ALKAL1: variants seen among roughly 807,000 people sequenced by gnomAD.
ALKAL1 encodes AUG-beta.
Under a neutral mutation model 13.5 loss-of-function variants are expected in ALKAL1, and 23 were observed. That is an observed-to-expected ratio of 1.70 (90% CI 1.23 to 2.41). The LOEUF is 2.41. Ranked by LOEUF, ALKAL1 falls within the 30% of genes most tolerant of loss-of-function variation. The pLI is 0.00. For synonymous variants in ALKAL1, 85 were observed against 77.7 expected, an observed-to-expected ratio of 1.09 and a Z score of -0.49; for missense variants, 181 against 178.4, an observed-to-expected ratio of 1.01 and a Z score of -0.08.
chr8:52,535,151 A>G (rs1847252963), intron 4 of ALKAL1, among the ~76,000 whole-genome samples: 1 of 150,774 alleles, frequency 6.6e-6, no homozygotes, highest in South Asian at 2.1e-4. Context: ...AAATTTACTC[A>G]TTTACATGGA....
intron 1 of ALKAL1, among the ~76,000 whole-genome samples, chr8:52,546,846 C>A (rs1449100260): frequency 2.6e-5 from 4 of 152,278 alleles, no homozygotes; most frequent in Non-Finnish European, 4.4e-5. Context: ...GTAAAGATTG[C>A]CTTGCTGAGA....
chr8:52,535,973 C>G (rs2150342969), intron 4 of ALKAL1, among the ~76,000 whole-genome samples: 1 of 152,106 alleles, frequency 6.6e-6, no homozygotes, highest in South Asian at 2.1e-4. Context: ...GAGTCTCGCT[C>G]TGTTGCCAAG....
intron 1 of ALKAL1, among the ~76,000 whole-genome samples, chr8:52,543,786 T>A (rs1170974250): frequency 6.6e-6 from 1 of 152,126 alleles, no homozygotes; most frequent in African/African-American, 2.4e-5. Flanking sequence ...ACTGGTGCTT[T>A]CTGAAAAATG....
intron 1 of ALKAL1, among the ~76,000 whole-genome samples, chr8:52,557,956 G>A (rs1847501749): frequency 1.5e-5 from 2 of 135,128 alleles, no homozygotes; most frequent in African/African-American, 5.6e-5. Context: ...ACCAGAGTGA[G>A]ACTATGTCTG....
intron 1 of ALKAL1, among the ~76,000 whole-genome samples, chr8:52,560,721 C>G (rs1379842954): frequency 6.6e-6 from 1 of 152,172 alleles, no homozygotes; most frequent in African/African-American, 2.4e-5. Flanking sequence ...ACAAGAAATA[C>G]TGTGAATGGG....
Position 52,534,608 on chromosome 8 carries a change from G to A in ALKAL1, c.*13-8C>T, listed in dbSNP as rs1374753695. On this transcript the variant is annotated splice_polypyrimidine_tract_variant and splice_region_variant and intron_variant, in intron 4 of 4. Transcript: ENST00000358543. ...TACATTCTTAGGAAATGTCTGTGGG[G>A]GTAAAAGAAGAGCCATATCATTTAT... 3.4e-6 allele frequency: 2 copies of A among 592,372 alleles called. No individual in the cohort carries two copies. Among genetic ancestry groups the A allele is most frequent in the South Asian group, 2.2e-5 (1 of 45,912 alleles). The allele number at this position is 592,372 out of a possible 1,614,324, so 36.7% of individuals were successfully genotyped here.
At chr8:52,561,457 G>A (rs1419056836) in intron 1 of ALKAL1, among the ~76,000 whole-genome samples, 1 of 152,204 alleles carries the variant, frequency 6.6e-6, no homozygotes, top group African/African-American at 2.4e-5. Context: ...CATTTCAGGA[G>A]AGGGAGGAAT....
Position 52,557,966 on chromosome 8 carries a change from G to GA in ALKAL1, c.190+7100dup, listed in dbSNP as rs33973509. 3.9e-3 allele frequency among the ~76,000 whole-genome samples: 447 copies of GA among 114,048 alleles called. 3 individuals carry two copies. Among genetic ancestry groups the GA allele is most frequent in the Middle Eastern group, 0.01 (2 of 198 alleles). The allele number at this position is 114,048 out of a possible 152,430, so 74.8% of individuals were successfully genotyped here. On this transcript the variant is annotated intron_variant, in intron 1 of 4. Coordinates refer to ENST00000358543, the MANE Select transcript of ALKAL1 (RefSeq NM_207413.4). ...GGGCAACCAGAGTGAGACTATGTCT[G>GA]AAAAAAAAAAAAAAAAGAAGAAGAA...
intron 1 of ALKAL1, among the ~76,000 whole-genome samples, chr8:52,559,731 T>C (rs559743120): frequency 9.2e-5 from 14 of 152,330 alleles, no homozygotes; most frequent in South Asian, 8.3e-4. Context: ...CTGTATTGTC[T>C]AAATATAACC....
At chr8:52,545,399 G>A (rs1262206231) in intron 1 of ALKAL1, among the ~76,000 whole-genome samples, 2 of 152,000 alleles carry the variant, frequency 1.3e-5, no homozygotes, top group Non-Finnish European at 2.9e-5. Context: ...CAGATTCACT[G>A]AGCCACACTA....
chr8:52,560,090 T>C (rs1160854527), intron 1 of ALKAL1, among the ~76,000 whole-genome samples: 1 of 152,040 alleles, frequency 6.6e-6, no homozygotes, highest in East Asian at 1.9e-4. Context: ...ATCAAACTAA[T>C]ATGAGTTTCA....
At chr8:52,541,934 C>T (rs1250384328) in intron 2 of ALKAL1, among the ~76,000 whole-genome samples, 1 of 152,046 alleles carries the variant, frequency 6.6e-6, no homozygotes, top group Non-Finnish European at 1.5e-5. Flanking sequence ...TGACTCCAAC[C>T]TACCTTTCCA....
At chr8:52,554,447 C>A (rs1171929098) in intron 1 of ALKAL1, among the ~76,000 whole-genome samples, 1 of 152,142 alleles carries the variant, frequency 6.6e-6, no homozygotes, top group Non-Finnish European at 1.5e-5. Context: ...GGCTGTTAAT[C>A]CAGCAGTAAA....
At chr8:52,543,550 G>A (rs1036553240) in intron 1 of ALKAL1, among the ~76,000 whole-genome samples, 7 of 152,234 alleles carry the variant, frequency 4.6e-5, no homozygotes, top group African/African-American at 1.7e-4. Context: ...AATGCAGAGA[G>A]ATCGGAGCTC....
chr8:52,557,135 C>G (rs554172434), intron 1 of ALKAL1, among the ~76,000 whole-genome samples: 1 of 152,314 alleles, frequency 6.6e-6, no homozygotes, highest in South Asian at 2.1e-4. Context: ...TAGAAAATCT[C>G]CTATAAACAA....
intron 1 of ALKAL1, among the ~76,000 whole-genome samples, chr8:52,550,849 A>G (rs192062371): frequency 2.3e-4 from 35 of 152,262 alleles, no homozygotes; most frequent in Non-Finnish European, 4.1e-4. Context: ...AAAAGGGCCA[A>G]TTCTACTCCA....
intron 1 of ALKAL1, among the ~76,000 whole-genome samples, chr8:52,563,388 G>A (rs192317099): frequency 2.1e-4 from 32 of 152,226 alleles, no homozygotes; most frequent in Non-Finnish European, 4.3e-4. Flanking sequence ...CCGAGATCAC[G>A]CCACTGCACT....
intron 1 of ALKAL1, among the ~76,000 whole-genome samples, chr8:52,550,177 C>A (rs552133069): frequency 6.6e-6 from 1 of 152,070 alleles, no homozygotes; most frequent in Non-Finnish European, 1.5e-5. Context: ...CACACATTAG[C>A]TGGGTGGTTT....
chr8:52,534,519 A>G lies in ALKAL1; in HGVS notation c.*94T>C. On this transcript the variant is annotated 3_prime_UTR_variant, in exon 5 of 5. Coordinates refer to ENST00000358543, the MANE Select transcript of ALKAL1 (RefSeq NM_207413.4). ...TTTTACTCATCTTAATATCCATAAAAATATAAATTTCATCTTTTTTTACAT... is the reference window on the plus strand; with the variant it reads ...TTTTACTCATCTTAATATCCATAAAGATATAAATTTCATCTTTTTTTACAT... 1 of 571,748 alleles carries G rather than the reference A, an allele frequency of 1.7e-6. No individual in the cohort carries two copies. Among genetic ancestry groups the G allele is most frequent in the African/African-American group, 1.9e-5 (1 of 52,094 alleles). The allele number at this position is 571,748 out of a possible 1,614,324, so 35.4% of individuals were successfully genotyped here.
Sources: allele counts gnomAD v4.1 joint callset (sites outside exome capture counted in the v4.1 genomes callset), GRCh38; gene constraint gnomAD v4.1.1; transcripts MANE v1.5; gene names NCBI Gene and HGNC (gene_info 2026-07-23, HGNC 2026-07-21).